TET3: variants seen among roughly 807,000 people sequenced by gnomAD.
The protein encoded by TET3 is methylcytosine dioxygenase TET3.
Under a neutral mutation model 141.4 loss-of-function variants are expected in TET3, and 19 were observed. The observed-to-expected ratio is 0.13, with a 90% CI of 0.09 to 0.20. The LOEUF is 0.20. TET3 is among the 10% of genes least tolerant of loss of function. The probability of loss-of-function intolerance (pLI) is 1.00; values close to 1 mark genes in which losing one functional copy is unlikely to be tolerated. For synonymous variants in TET3, 1,043 were observed against 980.9 expected (o/e 1.06, Z -1.18); for missense variants, 1,874 against 2,356.9 (o/e 0.80, Z 4.24).
chr2:74,051,204 G>A (rs996876440), intron 4 of TET3, among the ~76,000 whole-genome samples: 4 of 152,176 alleles, frequency 2.6e-5, no homozygotes, highest in East Asian at 1.9e-4. Flanking sequence ...TGCATTCCTC[G>A]GATGAGGAGC....
chr2:74,127,604 A>G, the TET3 span, among the ~76,000 whole-genome samples: 1 of 152,228 alleles, frequency 6.6e-6, no homozygotes, highest in African/African-American at 2.4e-5. Flanking sequence ...CTACCCAAGA[A>G]AGCAAGTTAA....
At chr2:74,113,115 G>A (rs828897), downstream of TET3, among the ~76,000 whole-genome samples, 41,672 of 151,080 alleles carry the variant, frequency 0.28, 6,035 homozygotes, top group East Asian at 0.49. Flanking sequence ...GAATGGCCAG[G>A]CGCAGTGGCT....
At chr2:74,079,189 A>C (rs1273372804) in intron 5 of TET3, among the ~76,000 whole-genome samples, 2 of 152,198 alleles carry the variant, frequency 1.3e-5, no homozygotes, top group Non-Finnish European at 2.9e-5. Flanking sequence ...CTTACTAAAA[A>C]TACAAAAATT....
rs1162430347 is a variant in TET3 at position 74,099,566 on chromosome 2, G to T, written c.3558G>T (p.Lys1186Asn). Residue 1186 changes from lysine to asparagine, a missense_variant, in exon 11 of 12, where the codon AAG becomes AAT. Lys to Asn is a moderately conservative substitution (Grantham distance 94). This residue lies in a region of TET3 where 602 missense variants were observed against 590.2 expected (regional missense o/e 1.02). Transcript: ENST00000409262. ...IQKEKLSTPEKIKQEALELAG... is the reference protein window; with the variant it reads ...IQKEKLSTPENIKQEALELAG... Reference sequence around the variant, plus strand: ...AGGAGAAGCTGAGCACTCCGGAGAAGATCAAGCAGGAGGCCCTGGAGCTGG... The same window carrying T: ...AGGAGAAGCTGAGCACTCCGGAGAATATCAAGCAGGAGGCCCTGGAGCTGG... 4 of 1,604,436 alleles carry T rather than the reference G, an allele frequency of 2.5e-6. No individual in the cohort carries two copies. The highest frequency in any genetic ancestry group is 2.7e-5 in the African/African-American group (2 of 74,692).
At chr2:74,038,339 C>T (rs1324260072) in intron 3 of TET3, among the ~76,000 whole-genome samples, 1 of 152,152 alleles carries the variant, frequency 6.6e-6, no homozygotes, top group African/African-American at 2.4e-5. Context: ...GTAACAAATT[C>T]CTGCTGCCCC....
chr2:74,087,712 C>G lies in TET3; in HGVS notation c.2680-118C>G. The G allele has an allele frequency of 1.0e-6, 1 of 962,102 alleles. No individual in the cohort carries two copies. Among genetic ancestry groups the G allele is most frequent in the Non-Finnish European group, 1.5e-6 (1 of 664,810 alleles). The allele number at this position is 962,102 out of a possible 1,614,324, so 59.6% of individuals were successfully genotyped here. A position where few individuals can be genotyped will look rare whatever the true frequency, so the allele number is the denominator to read the frequency against. Reference sequence around the variant, plus strand: ...GGTTGCTGTCTTCAGGGCATGACATCCCTAGAACCCTGCCGTTAAGACCTG... The same window carrying G: ...GGTTGCTGTCTTCAGGGCATGACATGCCTAGAACCCTGCCGTTAAGACCTG... On this transcript the variant is annotated intron_variant, in intron 6 of 11. Coordinates refer to ENST00000409262, the MANE Select transcript of TET3 (RefSeq NM_001287491.2). This position sits in a 1 kb window ranked among gnomAD's most constrained non-coding sequence, Gnocchi z 4.3.
intron 10 of TET3, among the ~76,000 whole-genome samples, chr2:74,097,243 G>A (rs1362282195): frequency 9.5e-6 from 1 of 105,142 alleles, no homozygotes; most frequent in African/African-American, 2.9e-5. Flanking sequence ...ACATTCAAAT[G>A]TCTGGGTAGT....
intron 2 of TET3, chr2:73,993,589 A>G (rs1684437977): frequency 1.3e-5 from 2 of 152,324 alleles, no homozygotes; most frequent in African/African-American, 4.8e-5. Context: ...GGTAAAGAGG[A>G]TGACCCAACC....
chr2:74,026,410 A>G (rs1244402687), intron 3 of TET3, among the ~76,000 whole-genome samples: 1 of 152,166 alleles, frequency 6.6e-6, no homozygotes, highest in Non-Finnish European at 1.5e-5. Flanking sequence ...GGGATTGTTA[A>G]TCCCCAGTCA....
At chr2:74,113,054 C>A (rs942090662), downstream of TET3, among the ~76,000 whole-genome samples, 10 of 133,494 alleles carry the variant, frequency 7.5e-5, no homozygotes, top group African/African-American at 2.8e-4. Flanking sequence ...TAACATCTTA[C>A]TGAATGGAGA....
intron 2 of TET3, among the ~76,000 whole-genome samples, chr2:73,998,908 C>A (rs1684719623): frequency 6.6e-6 from 1 of 152,056 alleles, no homozygotes; most frequent in Non-Finnish European, 1.5e-5. Context: ...CATAGCCCTG[C>A]AGGGGCTTTG....
At chr2:74,114,853 C>CAAAA in the TET3 span, among the ~76,000 whole-genome samples, 20 of 43,876 alleles carry the variant, frequency 4.6e-4, 3 homozygotes, top group African/African-American at 7.8e-4. Context: ...GACTCTGTCT[C>CAAAA]AAAAAAAAAA....
chr2:74,080,320 G>A (rs571887401), intron 5 of TET3, among the ~76,000 whole-genome samples, 178 bp from the exon 6 acceptor site: 4 of 152,340 alleles, frequency 2.6e-5, no homozygotes, highest in Admixed American at 6.5e-5. Context: ...GGAAGTGGCC[G>A]CTGTGTCTCC....
Position 74,101,142 on chromosome 2 carries a change from G to C in TET3, c.4354G>C (p.Val1452Leu), listed in dbSNP as rs202063420. ...PSMSPKRTNG[V>L]GGSWGVFSSG... ...CATGTCCCCCAAGAGGACTAACGGT[G>C]TGGGTGGCAGCTGGGGTGTGTTCTC... The change falls in exon 12 of 12, where the codon GTG (valine) becomes CTG (leucine). Residue 1452 changes from valine to leucine, a missense_variant. Physicochemically the swap from Val to Leu is conservative, Grantham distance 32 (BLOSUM62 1). Transcript: ENST00000409262. The surrounding 1 kb of genome is among the most constrained non-coding windows in gnomAD (Gnocchi z 8.5). 171 of 1,613,884 alleles carry C rather than the reference G, an allele frequency of 1.1e-4. No homozygotes were observed. In the African/African-American group the frequency reaches 2.0e-3, roughly 19 times the overall value.
rs553869605 is a variant in TET3 at position 74,032,749 on chromosome 2, G to A, written c.361-13529G>A. 3.3e-5 allele frequency among the ~76,000 whole-genome samples: 5 copies of A among 152,276 alleles called. No individual in the cohort carries two copies. In the South Asian group the frequency reaches 1.0e-3, roughly 32 times the overall value. ...TCAAGAGGCTAGGGGTGGGGCATGGGGAGCCTGCAGAGCAGCCAGCAGCTG... is the reference window on the plus strand; with the variant it reads ...TCAAGAGGCTAGGGGTGGGGCATGGAGAGCCTGCAGAGCAGCCAGCAGCTG... On this transcript the variant is annotated intron_variant, in intron 3 of 11. Transcript: ENST00000409262.
rs1691118938 is a variant in TET3, at chr2:74,100,408, G to A, written c.3620G>A (p.Gly1207Asp). The change falls in exon 12 of 12, where the codon GGT becomes GAT. Residue 1207 changes from glycine (G) to aspartate (D), a missense_variant. Gly to Asp is a moderately conservative substitution (Grantham distance 94). Transcript: ENST00000409262. ...GTTTCCCCAGGCCTGTCTCTGAAGGGTGGATTGTCCCAGCAAGGCCTGAAG... is the reference window on the plus strand; with the variant it reads ...GTTTCCCCAGGCCTGTCTCTGAAGGATGGATTGTCCCAGCAAGGCCTGAAG... Reference protein sequence around the residue: ...ITSDPGLSLKGGLSQQGLKPS... With the variant: ...ITSDPGLSLKDGLSQQGLKPS... 4 of 1,564,060 alleles carry A rather than the reference G, an allele frequency of 2.6e-6. No homozygotes were observed. The highest frequency in any genetic ancestry group is 4.8e-5 in the East Asian group (2 of 41,660).
the TET3 span, among the ~76,000 whole-genome samples, chr2:74,114,288 G>C: frequency 8.4e-6 from 1 of 119,712 alleles, no homozygotes; most frequent in Admixed American, 1.0e-4. Context: ...TGATATAATG[G>C]ACCTTGGGGA....
chr2:74,039,922 A>G (rs777373789), intron 3 of TET3, among the ~76,000 whole-genome samples: 3 of 152,220 alleles, frequency 2.0e-5, no homozygotes, highest in Non-Finnish European at 4.4e-5. Context: ...TTTGAAAGTC[A>G]TGTAGCATCA....
At chr2:74,059,749 T>A (rs981799666) in intron 4 of TET3, among the ~76,000 whole-genome samples, 3 of 151,736 alleles carry the variant, frequency 2.0e-5, no homozygotes, top group Non-Finnish European at 4.4e-5. Flanking sequence ...GGTCTCTCTT[T>A]GTTGCCCAGG....
Sources: gnomAD v4.1 joint callset for allele counts (sites outside exome capture counted in the v4.1 genomes callset) on GRCh38, gnomAD v4.1.1 for gene constraint, gnomAD v4.1.1 regional missense constraint, Gnocchi (gnomAD v3.1) non-coding constraint, MANE v1.5 for transcripts, NCBI Gene and HGNC (gene_info 2026-07-23, HGNC 2026-07-21) for gene names.